Variants in TBC1D7 observed in about 807,000 individuals in gnomAD.
TBC1D7 encodes TBC1 domain family member 7.
In TBC1D7, 33 loss-of-function variants were observed where a neutral mutation model predicts 35.3. The observed-to-expected ratio is 0.93, with a 90% CI of 0.71 to 1.25. The LOEUF (loss-of-function observed/expected upper bound fraction) is 1.25. TBC1D7 is among the 50% of genes most tolerant of loss of function. TBC1D7 has a pLI of 0.00. For missense variants in TBC1D7, 362 were observed against 365.3 expected, an observed-to-expected ratio of 0.99 and a Z score of 0.07; for synonymous variants, 135 against 129.5, an observed-to-expected ratio of 1.04 and a Z score of -0.29.
chr6:13,312,135 T>C (rs2127527941), intron 5 of TBC1D7, among the ~76,000 whole-genome samples: 1 of 152,284 alleles, frequency 6.6e-6, no homozygotes, highest in South Asian at 2.1e-4. Flanking sequence ...AGTATCCTCA[T>C]CTGTAAAAAC....
chr6:13,321,727 T>G (rs1784055861), intron 3 of TBC1D7, among the ~76,000 whole-genome samples: 1 of 152,228 alleles, frequency 6.6e-6, no homozygotes, highest in African/African-American at 2.4e-5. Flanking sequence ...CCAGCCATCC[T>G]GGGTTCTAGC....
At chr6:13,320,795 A>G (rs779451599) in intron 4 of TBC1D7, 113 bp downstream of exon 4, 5 of 963,656 alleles carry the variant, frequency 5.2e-6, no homozygotes, top group East Asian at 2.4e-5. Flanking sequence ...TTTTATTCTA[A>G]TAACAACAGG....
chr6:13,308,927 C>A (rs1782997854), intron 5 of TBC1D7, among the ~76,000 whole-genome samples: 1 of 152,234 alleles, frequency 6.6e-6, no homozygotes, highest in Non-Finnish European at 1.5e-5. Context: ...AAAATCCTAA[C>A]CTGGGCTGTA....
At chr6:13,312,596 G>A (rs1783300118) in intron 5 of TBC1D7, among the ~76,000 whole-genome samples, 1 of 151,044 alleles carries the variant, frequency 6.6e-6, no homozygotes. Context: ...GGAGGCTGAG[G>A]CAGAAGAATC....
intron 1 of TBC1D7, among the ~76,000 whole-genome samples, chr6:13,327,450 A>T (rs897663168): frequency 6.6e-6 from 1 of 152,214 alleles, no homozygotes; most frequent in African/African-American, 2.4e-5. Flanking sequence ...ACTTTTTTTT[A>T]AATGGGCATT....
At chr6:13,306,617 G>T in intron 6 of TBC1D7, 90 bp from the exon 7 acceptor site, 2 of 1,083,958 alleles carry the variant, frequency 1.8e-6, no homozygotes, top group Non-Finnish European at 2.5e-6. Context: ...AAATCAAATT[G>T]CTCCAATTTT....
chr6:13,314,204 CAA>C (rs5874413), intron 5 of TBC1D7, among the ~76,000 whole-genome samples: 46 of 109,018 alleles, frequency 4.2e-4, no homozygotes, highest in Non-Finnish European at 4.0e-4. Context: ...GACTCCATCT[CAA>C]AAAAAAAAAA....
rs1223642318 is a variant in TBC1D7, at chr6:13,316,556, A to G, written c.519+15T>C. On this transcript the variant is annotated intron_variant, in intron 5 of 7. Coordinates refer to ENST00000379300, the MANE Select transcript of TBC1D7 (RefSeq NM_016495.6). Reference sequence around the variant, plus strand: ...GTTCACTCTCCAATAGCCAAAAAAAAAAAAAAGCCCTCACCAACTGGGGCA... The same window carrying G: ...GTTCACTCTCCAATAGCCAAAAAAAGAAAAAAGCCCTCACCAACTGGGGCA... 1 of 1,586,636 alleles carries G rather than the reference A, an allele frequency of 6.3e-7. No individual in the cohort carries two copies. Among genetic ancestry groups the G allele is most frequent in the Non-Finnish European group, 8.5e-7 (1 of 1,172,840 alleles).
chr6:13,309,434 A>G (rs1783041104), intron 5 of TBC1D7, among the ~76,000 whole-genome samples: 1 of 152,212 alleles, frequency 6.6e-6, no homozygotes. Context: ...CATGGTAAGC[A>G]CTCAATATAT....
chr6:13,316,395 G>A (rs1320607923), intron 5 of TBC1D7, among the ~76,000 whole-genome samples, 176 bp downstream of exon 5: 1 of 152,108 alleles, frequency 6.6e-6, no homozygotes, highest in Non-Finnish European at 1.5e-5. Flanking sequence ...GAGACCATCT[G>A]GCCCACCAAG....
At chr6:13,310,784 G>A (rs1386253854) in intron 5 of TBC1D7, among the ~76,000 whole-genome samples, 1 of 152,124 alleles carries the variant, frequency 6.6e-6, no homozygotes, top group Non-Finnish European at 1.5e-5. Flanking sequence ...TGGGAAGAAT[G>A]TGTACTGTAT....
At chr6:13,316,473 T>C in intron 5 of TBC1D7, 98 bp downstream of exon 5, 1 of 1,292,038 alleles carries the variant, frequency 7.7e-7, no homozygotes, top group Non-Finnish European at 1.1e-6. Flanking sequence ...AAAGGGTTAT[T>C]CAGAATTGCA....
rs1562171461 is a variant in TBC1D7 at position 13,321,742 on chromosome 6, G to C, written c.194-647C>G. 2.0e-5 allele frequency among the ~76,000 whole-genome samples: 3 copies of C among 152,292 alleles called. No homozygotes were observed. The Middle Eastern group carries it at 0.01, about 518-fold the overall frequency. On this transcript the variant is annotated intron_variant, in intron 3 of 7. Coordinates refer to ENST00000379300, the MANE Select transcript of TBC1D7 (RefSeq NM_016495.6). ...CCAGCCATCCTGGGTTCTAGCCTCG[G>C]ACTGGATAATACTAGGACTCTGAAA...
intron 1 of TBC1D7, among the ~76,000 whole-genome samples, chr6:13,327,180 A>C (rs1357630393): frequency 6.6e-6 from 1 of 152,212 alleles, no homozygotes; most frequent in Non-Finnish European, 1.5e-5. Context: ...TAGGTTTCCC[A>C]CTATACCTAT....
At chr6:13,310,108 G>C (rs1217213922) in intron 5 of TBC1D7, among the ~76,000 whole-genome samples, 1 of 152,160 alleles carries the variant, frequency 6.6e-6, no homozygotes, top group Non-Finnish European at 1.5e-5. Flanking sequence ...AGGGGAATTT[G>C]GCAATATTTA....
Position 13,320,374 on chromosome 6 carries a change from G to A in TBC1D7, c.381+534C>T, listed in dbSNP as rs147247617. The stretch of plus-strand genomic sequence containing the variant: ...GACTGTACTATGGCTATCTACAGGG[G>A]TGTCCTGTCTTTAGGAAGTGTACAC... On this transcript the variant is annotated intron_variant, in intron 4 of 7. Coordinates refer to ENST00000379300, the MANE Select transcript of TBC1D7 (RefSeq NM_016495.6). 2.4e-3 allele frequency: 588 copies of A among 241,606 alleles called. 5 individuals are homozygous for A. The highest frequency in any genetic ancestry group is 0.018 in the Admixed American group (349 of 19,424). 15.0% of individuals were successfully genotyped at this position (241,606 alleles called of 1,614,324 possible). A position where few individuals can be genotyped will look rare whatever the true frequency, so the allele number is the denominator to read the frequency against.
intron 5 of TBC1D7, among the ~76,000 whole-genome samples, chr6:13,308,191 A>G (rs1003465375): frequency 6.6e-6 from 1 of 152,196 alleles, no homozygotes; most frequent in African/African-American, 2.4e-5. Flanking sequence ...CCAAAGAAAT[A>G]GAGTGGGATT....
chr6:13,305,176 G>A lies in TBC1D7; in HGVS notation c.807C>T (p.Asp269=), dbSNP rs545035707. Reference sequence around the variant, plus strand: ...CCTTGCTCACGATCGCGTCTGAGCTGTCCTGGGGAATCTGTGGGCAAGCAA... The same window carrying A: ...CCTTGCTCACGATCGCGTCTGAGCTATCCTGGGGAATCTGTGGGCAAGCAA... ...ITKFLENIPQ[D]SSDAIVSKAI... The change falls in exon 8 of 8, where the codon GAC becomes GAT. Residue 269 remains aspartate (D), a synonymous_variant. Coordinates refer to ENST00000379300, the MANE Select transcript of TBC1D7 (RefSeq NM_016495.6). 1.9e-6 allele frequency: 3 copies of A among 1,614,188 alleles called. 1 individual carries two copies. The East Asian group carries it at 6.7e-5, about 36-fold the overall frequency.
chr6:13,309,982 T>C (rs1783078185), intron 5 of TBC1D7, among the ~76,000 whole-genome samples: 1 of 152,196 alleles, frequency 6.6e-6, no homozygotes. Flanking sequence ...CACTGAAGTA[T>C]CACTGCCTAC....
Sources: allele counts gnomAD v4.1 joint callset (sites outside exome capture counted in the v4.1 genomes callset), GRCh38; gene constraint gnomAD v4.1.1; transcripts MANE v1.5; gene names NCBI Gene and HGNC (gene_info 2026-07-23, HGNC 2026-07-21).